XYLT1: variants seen among roughly 807,000 people sequenced by gnomAD.
XYLT1 encodes the protein beta-D-xylosyltransferase 1.
A neutral mutation model predicts 91.3 loss-of-function variants in XYLT1; 36 were observed. The observed-to-expected ratio is 0.39, with a 90% CI of 0.30 to 0.52. The LOEUF (loss-of-function observed/expected upper bound fraction) is 0.52. Among genes scored for constraint, XYLT1 ranks in the 20% least tolerant of loss-of-function variants. XYLT1 has a pLI of 0.68. For synonymous variants in XYLT1, 588 were observed against 532.0 expected, an observed-to-expected ratio of 1.11 and a Z score of -1.45; for missense variants, 1,242 against 1,284.5, an observed-to-expected ratio of 0.97 and a Z score of 0.51.
chr16:17,363,876 G>A (rs887743357), intron 1 of XYLT1, among the ~76,000 whole-genome samples: 1 of 151,912 alleles, frequency 6.6e-6, no homozygotes, highest in Non-Finnish European at 1.5e-5. Flanking sequence ...ATGGGCTTTT[G>A]CCGTGTTGGC....
intron 2 of XYLT1, among the ~76,000 whole-genome samples, chr16:17,298,420 G>T (rs2034347136): frequency 6.6e-6 from 1 of 152,192 alleles, no homozygotes; most frequent in Admixed American, 6.5e-5. Context: ...CCATTTTACA[G>T]ATGAGGAAGA....
At chr16:17,224,392 C>T (rs2033026481) in intron 3 of XYLT1, among the ~76,000 whole-genome samples, 1 of 152,214 alleles carries the variant, frequency 6.6e-6, no homozygotes, top group Non-Finnish European at 1.5e-5. Context: ...GCCTAATCAC[C>T]CTTTGGGGGC....
At chr16:17,131,360 A>C (rs923011734) in intron 9 of XYLT1, among the ~76,000 whole-genome samples, 3 of 152,216 alleles carry the variant, frequency 2.0e-5, no homozygotes, top group African/African-American at 7.2e-5. Flanking sequence ...ATGCAACCGA[A>C]GTATTCGTTT....
At chr16:17,187,707 G>T (rs774151299) in intron 5 of XYLT1, among the ~76,000 whole-genome samples, 2 of 151,104 alleles carry the variant, frequency 1.3e-5, no homozygotes, top group African/African-American at 4.9e-5. Flanking sequence ...GTACAATGGC[G>T]TGATCTCAGT....
At chr16:17,445,163 T>C (rs1467331606) in intron 1 of XYLT1, among the ~76,000 whole-genome samples, 5 of 152,098 alleles carry the variant, frequency 3.3e-5, no homozygotes, top group Non-Finnish European at 7.4e-5. Context: ...GCCAGGCTAA[T>C]TGTTTGATTT....
At chr16:17,114,123 G>C (rs1753379180) in intron 11 of XYLT1, among the ~76,000 whole-genome samples, 1 of 152,262 alleles carries the variant, frequency 6.6e-6, no homozygotes, top group Non-Finnish European at 1.5e-5. Flanking sequence ...GGGGACAGAA[G>C]CTCCTGCACT....
chr16:17,342,948 T>A (rs570816348), intron 2 of XYLT1, among the ~76,000 whole-genome samples: 1 of 152,102 alleles, frequency 6.6e-6, no homozygotes, highest in Non-Finnish European at 1.5e-5. Context: ...AGAAAAAAAC[T>A]TCGAGTCCCT....
At chr16:17,338,418 T>C (rs1216111819) in intron 2 of XYLT1, 1 of 456,512 alleles carries the variant, frequency 2.2e-6, no homozygotes, top group Non-Finnish European at 4.4e-6. Flanking sequence ...TCTGACACTT[T>C]GGAAAAGGCT....
At chr16:17,232,178 A>G (rs2033167814) in intron 3 of XYLT1, among the ~76,000 whole-genome samples, 1 of 144,088 alleles carries the variant, frequency 6.9e-6, no homozygotes, top group Non-Finnish European at 1.5e-5. Context: ...ATATTATACA[A>G]TATATACTAT....
chr16:17,204,014 C>T (rs754485113), intron 3 of XYLT1, among the ~76,000 whole-genome samples: 2 of 152,198 alleles, frequency 1.3e-5, no homozygotes, highest in Non-Finnish European at 2.9e-5. Context: ...GGGAAGAATG[C>T]GTTATCATCC....
At chr16:17,248,106 G>A (rs993057760) in intron 3 of XYLT1, among the ~76,000 whole-genome samples, 5 of 152,312 alleles carry the variant, frequency 3.3e-5, no homozygotes, top group Middle Eastern at 6.8e-3. Flanking sequence ...CCTGGTGGGA[G>A]GTAACTGAAT....
intron 1 of XYLT1, among the ~76,000 whole-genome samples, chr16:17,363,424 G>T (rs537770207): frequency 6.6e-6 from 1 of 152,318 alleles, no homozygotes; most frequent in East Asian, 1.9e-4. Context: ...GTGTCTGCAG[G>T]TCTGGCTTCT....
At chr16:17,425,940 G>A (rs2036312820) in intron 1 of XYLT1, among the ~76,000 whole-genome samples, 1 of 152,112 alleles carries the variant, frequency 6.6e-6, no homozygotes, top group Admixed American at 6.5e-5. Context: ...ACGTCATGTG[G>A]TACCATGACC....
chr16:17,172,678 G>A (rs569669360), intron 5 of XYLT1, among the ~76,000 whole-genome samples: 189 of 152,162 alleles, frequency 1.2e-3, no homozygotes, highest in African/African-American at 4.1e-3. Context: ...TTGCCATGTT[G>A]GCCAGGCTGG....
At chr16:17,124,127 A>G (rs1221436568) in intron 10 of XYLT1, among the ~76,000 whole-genome samples, 1 of 152,182 alleles carries the variant, frequency 6.6e-6, no homozygotes, top group Non-Finnish European at 1.5e-5. Flanking sequence ...TTTACATTCA[A>G]CATTAGTATT....
At chr16:17,466,519 A>T (rs1429250034) in intron 1 of XYLT1, among the ~76,000 whole-genome samples, 1 of 152,250 alleles carries the variant, frequency 6.6e-6, no homozygotes, top group Non-Finnish European at 1.5e-5. Flanking sequence ...TATTAAAACC[A>T]TGAATCAAAC....
rs12325439 is a variant in XYLT1, at chr16:17,117,907, G to C, written c.2296C>G (p.Pro766Ala). The change falls in exon 11 of 12, where the codon CCG becomes GCG. Residue 766 changes from proline (P) to alanine (A), a missense_variant. Transcript: ENST00000261381. ...TTCCCCCACTTCTGCATACCCACCG[G>C]CTCATCCATGGGCCCCAGAAGACCC... ...FGGLLGPMDE[P>A]VGMQKWGKGP... 3.8e-4 allele frequency: 614 copies of C among 1,614,090 alleles called. 7 individuals are homozygous for C. The African/African-American group carries it at 7.7e-3, about 20-fold the overall frequency.
intron 3 of XYLT1, among the ~76,000 whole-genome samples, chr16:17,215,181 A>C (rs11648842): frequency 0.3 from 45,961 of 151,926 alleles, 7,779 homozygotes; most frequent in East Asian, 0.54. Context: ...TATGGTAAAA[A>C]CTTGTCTCTA....
intron 1 of XYLT1, among the ~76,000 whole-genome samples, chr16:17,454,390 G>T (rs1350398542): frequency 6.6e-6 from 1 of 152,178 alleles, no homozygotes; most frequent in Non-Finnish European, 1.5e-5. Context: ...TTGGTAACAG[G>T]CCAGATAGTA....
Sources: allele counts gnomAD v4.1 joint callset (sites outside exome capture counted in the v4.1 genomes callset), GRCh38; gene constraint gnomAD v4.1.1; transcripts MANE v1.5; gene names NCBI Gene and HGNC (gene_info 2026-07-23, HGNC 2026-07-21).